CRB1: variants seen among roughly 807,000 people sequenced by gnomAD.
The protein encoded by CRB1 is crumbs cell polarity complex component 1, also known as protein crumbs homolog 1.
In CRB1, 83 loss-of-function variants were observed where a neutral mutation model predicts 120.0. That is an observed-to-expected ratio of 0.69 (90% CI 0.58 to 0.83). The LOEUF is 0.83. Ranked by LOEUF, CRB1 falls within the 40% of genes least tolerant of loss-of-function variation. The pLI is 0.00. For synonymous variants in CRB1, 625 were observed against 612.5 expected, an observed-to-expected ratio of 1.02 and a Z score of -0.30; for missense variants, 1,699 against 1,687.6, an observed-to-expected ratio of 1.01 and a Z score of -0.12.
chr1:197,239,707 C>G, the CRB1 span, among the ~76,000 whole-genome samples: 1 of 130,460 alleles, frequency 7.7e-6, no homozygotes, highest in African/African-American at 2.5e-5. Flanking sequence ...TTTGGGAAAA[C>G]ATCTGTAGTT....
intron 5 of CRB1, among the ~76,000 whole-genome samples, chr1:197,405,800 G>A (rs1663346007): frequency 6.6e-6 from 1 of 151,188 alleles, no homozygotes; most frequent in Admixed American, 6.6e-5. Context: ...CCTCCGCCCG[G>A]TAGCTGCCCC....
At chr1:197,355,416 G>C (rs1344173860) in intron 4 of CRB1, among the ~76,000 whole-genome samples, 2 of 152,240 alleles carry the variant, frequency 1.3e-5, no homozygotes, top group African/African-American at 4.8e-5. Flanking sequence ...CCCTTGGGCG[G>C]TTGATGGGAC....
chr1:197,222,894 G>A, the CRB1 span: 1 of 1,251,536 alleles, frequency 8.0e-7, no homozygotes, highest in Non-Finnish European at 1.2e-6. Flanking sequence ...TTACAGGGAA[G>A]ACTCTGAACA....
intron 11 of CRB1, chr1:197,477,403 G>A: frequency 2.0e-6 from 1 of 503,400 alleles, no homozygotes; most frequent in Non-Finnish European, 3.7e-6. Flanking sequence ...CTCAGTCACT[G>A]AGATTAAGAG....
At chr1:197,404,115 T>C (rs963265913) in intron 5 of CRB1, among the ~76,000 whole-genome samples, 1 of 152,192 alleles carries the variant, frequency 6.6e-6, no homozygotes, top group African/African-American at 2.4e-5. Flanking sequence ...GTTCTGCAAG[T>C]TGTCATTTCT....
intron 1 of CRB1, among the ~76,000 whole-genome samples, chr1:197,309,557 T>A (rs534483715): frequency 1.3e-3 from 199 of 151,948 alleles, no homozygotes; most frequent in Non-Finnish European, 2.5e-3. Context: ...GATCGAGACC[T>A]TCCTGGCTAA....
chr1:197,414,103 C>G (rs960594720), intron 5 of CRB1: 2 of 208,946 alleles, frequency 9.6e-6, no homozygotes, highest in Non-Finnish European at 2.1e-5. Flanking sequence ...ATATTACTAT[C>G]AAATGAAAAT....
At chr1:197,353,545 A>C (rs1418872694) in intron 4 of CRB1, among the ~76,000 whole-genome samples, 4 of 152,228 alleles carry the variant, frequency 2.6e-5, no homozygotes, top group Non-Finnish European at 2.9e-5. Context: ...TCACGCCTGT[A>C]ATCCTAGCAC....
chr1:197,321,431 C>T (rs1658187688), intron 1 of CRB1, among the ~76,000 whole-genome samples: 2 of 152,308 alleles, frequency 1.3e-5, no homozygotes, highest in African/African-American at 4.8e-5. Context: ...TGGTCCACAA[C>T]TTTGAGTCAC....
chr1:197,451,509 T>C (rs1043139388), intron 11 of CRB1, among the ~76,000 whole-genome samples: 2 of 152,154 alleles, frequency 1.3e-5, no homozygotes, highest in African/African-American at 4.8e-5. Context: ...TCCCTAAGAA[T>C]GTGATATTTT....
chr1:197,211,654 G>A, the CRB1 span, among the ~76,000 whole-genome samples: 2 of 152,238 alleles, frequency 1.3e-5, no homozygotes, highest in East Asian at 3.9e-4. Context: ...CCACAAAGGG[G>A]ATTAGGTTTT....
At chr1:197,222,683 G>T in the CRB1 span, 1 of 792,026 alleles carries the variant, frequency 1.3e-6, no homozygotes, top group Non-Finnish European at 2.3e-6. Context: ...ATAATTACTT[G>T]TTTCAGGAAA....
intron 3 of CRB1, among the ~76,000 whole-genome samples, chr1:197,346,290 G>GAAA (rs201746647): frequency 1.4e-5 from 2 of 138,172 alleles, no homozygotes; most frequent in Non-Finnish European, 3.2e-5. Context: ...AATCAGAACT[G>GAAA]AAAAAAAAAA....
At chr1:197,258,090 A>C in the CRB1 span, among the ~76,000 whole-genome samples, 1 of 152,338 alleles carries the variant, frequency 6.6e-6, no homozygotes, top group East Asian at 1.9e-4. Flanking sequence ...AAGAATAAAT[A>C]AGAACTAGTA....
At chr1:197,267,416 A>T (rs1161885481), upstream of CRB1, among the ~76,000 whole-genome samples, 1 of 152,168 alleles carries the variant, frequency 6.6e-6, no homozygotes, top group African/African-American at 2.4e-5. Flanking sequence ...CATGGGCAGA[A>T]AATATAAAGA....
chr1:197,347,071 A>G (rs1659817125), intron 3 of CRB1, among the ~76,000 whole-genome samples: 1 of 152,208 alleles, frequency 6.6e-6, no homozygotes, highest in Non-Finnish European at 1.5e-5. Flanking sequence ...ACCTTGTAAT[A>G]TAGGTACTAT....
the CRB1 span, among the ~76,000 whole-genome samples, chr1:197,227,016 A>G: frequency 1.3e-5 from 2 of 152,190 alleles, no homozygotes; most frequent in Admixed American, 6.5e-5. Context: ...TGGGAATTAT[A>G]GGAGTACAAT....
intron 5 of CRB1, among the ~76,000 whole-genome samples, chr1:197,375,288 G>A (rs184986203): frequency 2.1e-4 from 32 of 152,272 alleles, no homozygotes; most frequent in Admixed American, 1.6e-3. Flanking sequence ...GTTTATGTAG[G>A]TTTCTTTTGC....
At chr1:197,415,667 G>A (rs528524608) in intron 5 of CRB1, among the ~76,000 whole-genome samples, 2 of 105,658 alleles carry the variant, frequency 1.9e-5, no homozygotes, top group African/African-American at 3.5e-5. Context: ...TTTTGAGACA[G>A]AGTCTCACTC....
Sources: gnomAD v4.1 joint callset for allele counts (sites outside exome capture counted in the v4.1 genomes callset) on GRCh38, gnomAD v4.1.1 for gene constraint, MANE v1.5 for transcripts, NCBI Gene and HGNC (gene_info 2026-07-23, HGNC 2026-07-21) for gene names.